SLC30A8: variants seen among roughly 807,000 people sequenced by gnomAD.
SLC30A8 encodes the protein solute carrier family 30 member 8.
Under a neutral mutation model 36.9 loss-of-function variants are expected in SLC30A8, and 27 were observed. The ratio of observed to expected loss-of-function variants is 0.73; its 90% CI spans 0.54 to 1.01. The LOEUF is 1.01. Ranked by LOEUF, SLC30A8 falls within the 50% of genes least tolerant of loss-of-function variation. SLC30A8 has a pLI of 0.00. For synonymous variants in SLC30A8, 164 were observed against 172.4 expected (o/e 0.95, Z 0.38); for missense variants, 439 against 452.0 (o/e 0.97, Z 0.26).
intron 2 of SLC30A8, among the ~76,000 whole-genome samples, chr8:117,121,101 TAAGA>T (rs1429535909): frequency 2.0e-5 from 3 of 151,820 alleles, no homozygotes; most frequent in Non-Finnish European, 4.4e-5. Flanking sequence ...CCTCAATAAA[TAAGA>T]AATAGAACAA....
At chr8:117,144,283 T>G (rs1389940321) in intron 1 of SLC30A8, among the ~76,000 whole-genome samples, 1 of 152,186 alleles carries the variant, frequency 6.6e-6, no homozygotes, top group Admixed American at 6.5e-5. Flanking sequence ...CTTTCCAAAT[T>G]GTTCTTATTC....
At chr8:117,131,873 A>G (rs1271072967), upstream of SLC30A8, among the ~76,000 whole-genome samples, 1 of 152,022 alleles carries the variant, frequency 6.6e-6, no homozygotes, top group Non-Finnish European at 1.5e-5. Flanking sequence ...CCCATTTTAC[A>G]GGTGAGAAAC....
At chr8:117,105,828 C>T (rs1819970251) in intron 2 of SLC30A8, among the ~76,000 whole-genome samples, 1 of 152,156 alleles carries the variant, frequency 6.6e-6, no homozygotes, top group Non-Finnish European at 1.5e-5. Flanking sequence ...GTATTATGGC[C>T]TACCCAAGTT....
intron 2 of SLC30A8, among the ~76,000 whole-genome samples, chr8:117,078,879 G>A (rs897609880): frequency 3.3e-4 from 50 of 152,070 alleles, no homozygotes; most frequent in African/African-American, 1.1e-3. Context: ...GTAGAGGTGG[G>A]GTTTCACCAT....
chr8:117,125,153 A>G (rs1820849160), intron 2 of SLC30A8, among the ~76,000 whole-genome samples: 1 of 152,058 alleles, frequency 6.6e-6, no homozygotes, highest in Non-Finnish European at 1.5e-5. Flanking sequence ...TAGTTTAATC[A>G]GAATATATAC....
At chr8:117,125,967 G>A (rs563433325) in intron 2 of SLC30A8, among the ~76,000 whole-genome samples, 11 of 151,958 alleles carry the variant, frequency 7.2e-5, no homozygotes, top group Admixed American at 1.3e-4. Context: ...GAATGTCAGA[G>A]TTTTTTGTTT....
intron 1 of SLC30A8, among the ~76,000 whole-genome samples, chr8:117,012,837 C>T (rs1038516130): frequency 6.6e-6 from 1 of 151,096 alleles, no homozygotes; most frequent in Non-Finnish European, 1.5e-5. Context: ...TACTCTAGAG[C>T]CAATCATAAT....
intron 1 of SLC30A8, among the ~76,000 whole-genome samples, chr8:116,987,406 C>A (rs534425541): frequency 6.7e-6 from 1 of 149,210 alleles, no homozygotes; most frequent in Non-Finnish European, 1.5e-5. Context: ...CAGACCTGCA[C>A]GTTGTGCACA....
chr8:117,124,870 C>G (rs1191750202), intron 2 of SLC30A8, among the ~76,000 whole-genome samples: 1 of 151,514 alleles, frequency 6.6e-6, no homozygotes, highest in African/African-American at 2.4e-5. Flanking sequence ...CCCAAAACCT[C>G]AACATCCCAC....
intron 1 of SLC30A8, among the ~76,000 whole-genome samples, chr8:117,032,193 C>G (rs1000853720): frequency 1.3e-5 from 2 of 151,602 alleles, no homozygotes; most frequent in Non-Finnish European, 2.9e-5. Context: ...CAGTAAACTT[C>G]TCTATCTACT....
At chr8:116,961,911 T>C (rs1814437060) in intron 1 of SLC30A8, among the ~76,000 whole-genome samples, 1 of 151,962 alleles carries the variant, frequency 6.6e-6, no homozygotes, top group South Asian at 2.1e-4. Flanking sequence ...AGAGCCCTCA[T>C]GACCTAAACG....
At chr8:116,955,124 A>G (rs1814143502) in intron 1 of SLC30A8, among the ~76,000 whole-genome samples, 1 of 152,222 alleles carries the variant, frequency 6.6e-6, no homozygotes, top group Admixed American at 6.5e-5. Flanking sequence ...GATCTGAGGA[A>G]AGTGGGAACA....
intron 1 of SLC30A8, among the ~76,000 whole-genome samples, chr8:116,964,300 T>C (rs1010919142): frequency 2.6e-5 from 4 of 152,234 alleles, no homozygotes; most frequent in Non-Finnish European, 5.9e-5. Flanking sequence ...TTCAGAATAT[T>C]CTAATGAACT....
At chr8:117,058,817 C>A (rs897394261) in intron 2 of SLC30A8, among the ~76,000 whole-genome samples, 1 of 152,156 alleles carries the variant, frequency 6.6e-6, no homozygotes, top group African/African-American at 2.4e-5. Context: ...CACACACACA[C>A]CCACTCACCC....
In SLC30A8 at chr8:117,173,118, A is replaced by G. The variant is rs1162379603; in HGVS notation, c.*437A>G. On this transcript the variant is annotated 3_prime_UTR_variant, in exon 8 of 8. Coordinates refer to ENST00000456015, the MANE Select transcript of SLC30A8 (RefSeq NM_173851.3). The stretch of plus-strand genomic sequence containing the variant: ...AACAAAAAATAAGGAGAGCCAAGTC[A>G]GGAATAAAAGTGACTCTGTATGCTA... The G allele has an allele frequency of 6.1e-6, 1 of 165,158 alleles. No individual in the cohort carries two copies. The highest frequency in any genetic ancestry group is 1.3e-5 in the Non-Finnish European group (1 of 76,450). 10.2% of individuals were successfully genotyped at this position (165,158 alleles called of 1,614,324 possible). A position where few individuals can be genotyped will look rare whatever the true frequency, so the allele number is the denominator to read the frequency against.
rs753477202 is a variant in SLC30A8, at chr8:117,138,296, G to GA, written c.71+2902dup. 1.3e-4 allele frequency among the ~76,000 whole-genome samples: 19 copies of GA among 151,880 alleles called. No individual in the cohort carries two copies. The East Asian group carries it at 3.1e-3, about 25-fold the overall frequency. ...CTGCTAAAAATTATAAAAAAGAAAT[G>GA]AAAATCTCTGGAAGTTGTCTTAAGG... is the stretch of plus-strand genomic sequence containing the variant. On this transcript the variant is annotated intron_variant, in intron 1 of 7. Transcript: ENST00000456015.
At chr8:117,088,874 G>A (rs1362714861) in intron 2 of SLC30A8, among the ~76,000 whole-genome samples, 3 of 152,196 alleles carry the variant, frequency 2.0e-5, no homozygotes, top group Non-Finnish European at 4.4e-5. Context: ...ATTGCACCCA[G>A]TGCTGGAGGT....
At position 117,172,661 on chromosome 8, in the gene SLC30A8, T is replaced by G; in HGVS notation, c.1090T>G (p.Cys364Gly). Residue 364 changes from cysteine (C) to glycine (G), a missense_variant, in exon 8 of 8, where the codon TGT (cysteine) becomes GGT (glycine). By Grantham distance (159) the Cys-to-Gly change is radical. Coordinates refer to ENST00000456015, the MANE Select transcript of SLC30A8 (RefSeq NM_173851.3). ...PVDQDPDCLF[C>G]EDPCD Reference sequence around the variant, plus strand: ...TGACCAGGACCCCGACTGCCTTTTCTGTGAAGACCCCTGTGACTAGCTCAG... The same window carrying G: ...TGACCAGGACCCCGACTGCCTTTTCGGTGAAGACCCCTGTGACTAGCTCAG... 1 of 1,613,690 alleles carries G rather than the reference T, an allele frequency of 6.2e-7. No homozygotes were observed. The highest frequency in any genetic ancestry group is 8.5e-7 in the Non-Finnish European group (1 of 1,179,668).
chr8:116,971,964 G>GAT (rs1814809448), intron 1 of SLC30A8, among the ~76,000 whole-genome samples: 1 of 151,942 alleles, frequency 6.6e-6, no homozygotes, highest in South Asian at 2.1e-4. Flanking sequence ...TATAAACTGA[G>GAT]ATATATATAC....
Sources: allele counts gnomAD v4.1 joint callset (sites outside exome capture counted in the v4.1 genomes callset), GRCh38; gene constraint gnomAD v4.1.1; transcripts MANE v1.5; gene names NCBI Gene and HGNC (gene_info 2026-07-23, HGNC 2026-07-21).